Variants in PDE4D observed in about 807,000 individuals in gnomAD.
PDE4D encodes the protein 3',5'-cyclic-AMP phosphodiesterase 4D.
A neutral mutation model predicts 87.4 loss-of-function variants in PDE4D; 24 were observed. That is an observed-to-expected ratio of 0.27 (90% CI 0.20 to 0.39). PDE4D has a LOEUF of 0.39. PDE4D is among the 10% of genes least tolerant of loss of function. The pLI, the probability that PDE4D is intolerant of heterozygous loss-of-function variation, is 1.00. For missense variants in PDE4D, 714 were observed against 1,041.0 expected, an observed-to-expected ratio of 0.69 and a Z score of 4.32; for synonymous variants, 384 against 383.2, an observed-to-expected ratio of 1.00 and a Z score of -0.02.
intron 1 of PDE4D, among the ~76,000 whole-genome samples, chr5:59,785,199 T>A (rs1165979033): frequency 6.6e-6 from 1 of 152,188 alleles, no homozygotes; most frequent in Non-Finnish European, 1.5e-5. Flanking sequence ...TAATCCACAT[T>A]CTCTTCTTTC....
At chr5:59,762,876 T>TAG (rs1762324490) in intron 1 of PDE4D, among the ~76,000 whole-genome samples, 1 of 132,058 alleles carries the variant, frequency 7.6e-6, no homozygotes, top group African/African-American at 2.8e-5. Context: ...TATATATATA[T>TAG]ATATATATAT....
intron 2 of PDE4D, chr5:60,160,703 T>C (rs1265468892): frequency 3.0e-6 from 1 of 338,102 alleles, no homozygotes; most frequent in African/African-American, 2.2e-5. Context: ...TTGACTATCA[T>C]GGTTCTATGG....
intron 1 of PDE4D, among the ~76,000 whole-genome samples, chr5:60,284,452 G>A (rs1209814358): frequency 6.6e-6 from 1 of 152,136 alleles, no homozygotes; most frequent in East Asian, 1.9e-4. Flanking sequence ...AGTAATCAAT[G>A]CCTGTAGGTC....
chr5:60,173,032 T>C (rs988907663), intron 2 of PDE4D, among the ~76,000 whole-genome samples: 1 of 152,166 alleles, frequency 6.6e-6, no homozygotes, highest in Admixed American at 6.5e-5. Context: ...GTTTACAATA[T>C]AACATTGTTA....
chr5:59,992,389 C>G (rs1026429949), intron 2 of PDE4D, among the ~76,000 whole-genome samples: 4 of 152,174 alleles, frequency 2.6e-5, no homozygotes, highest in Non-Finnish European at 5.9e-5. Context: ...ACCTTGTGAT[C>G]GTGTGAGTCA....
In PDE4D at chr5:59,974,726, A is replaced by G. The variant is rs112446914; in HGVS notation, c.272+13762T>C. Among the ~76,000 whole-genome samples the G allele has an allele frequency of 1.2e-3, 186 of 152,280 alleles. 1 individual carries two copies. The highest frequency in any genetic ancestry group is 4.3e-3 in the African/African-American group (177 of 41,568). ...CTGTTTCATAATCATATCTCAGACAACCACCTGATACAGAGCTTCTTCCTC... is the reference window on the plus strand; with the variant it reads ...CTGTTTCATAATCATATCTCAGACAGCCACCTGATACAGAGCTTCTTCCTC... On this transcript the variant is annotated intron_variant, in intron 3 of 16. Coordinates refer to the PDE4D transcript ENST00000502484.
At chr5:60,423,108 C>A (rs970283467) in intron 1 of PDE4D, among the ~76,000 whole-genome samples, 52 of 152,166 alleles carry the variant, frequency 3.4e-4, no homozygotes, top group Admixed American at 3.2e-3. Context: ...CACTTTAACA[C>A]CCCATTGTCA....
chr5:59,976,300 C>G (rs1761323647), intron 3 of PDE4D, among the ~76,000 whole-genome samples: 2 of 151,732 alleles, frequency 1.3e-5, no homozygotes, highest in Admixed American at 1.3e-4. Context: ...GTATTTATAC[C>G]CTCCAAATCT....
intron 6 of PDE4D, among the ~76,000 whole-genome samples, chr5:58,995,034 C>T (rs1748886896): frequency 6.7e-6 from 1 of 149,758 alleles, no homozygotes; most frequent in Non-Finnish European, 1.5e-5. Context: ...AAAATAAATG[C>T]TGGGGAAAAA....
In PDE4D at chr5:59,436,845, T is replaced by C. The variant is rs530816746; in HGVS notation, c.456-220877A>G. ...ACCCAACAGAAACCCGTTGGTCACA[T>C]AAAGGCAAGTTTATTAAACCTACTT... On this transcript the variant is annotated intron_variant, in intron 1 of 14. Coordinates refer to ENST00000340635, the MANE Select transcript of PDE4D (RefSeq NM_001104631.2). 2.0e-5 allele frequency among the ~76,000 whole-genome samples: 3 copies of C among 152,302 alleles called. No homozygotes were observed. The South Asian group carries it at 6.2e-4, about 32-fold the overall frequency.
chr5:59,385,852 CT>C lies in PDE4D; in HGVS notation c.456-169885del, dbSNP rs1447045240. ...CCACAAACACCCTGCATCCCAATCTCTATCTATCTCGGAGTATCTCAGGGAA... is the reference window on the plus strand; with the variant it reads ...CCACAAACACCCTGCATCCCAATCTCATCTATCTCGGAGTATCTCAGGGAA... On this transcript the variant is annotated intron_variant, in intron 1 of 14. Coordinates refer to ENST00000340635, the MANE Select transcript of PDE4D (RefSeq NM_001104631.2). Among the ~76,000 whole-genome samples, 3 of 152,152 alleles carry C rather than the reference CT, an allele frequency of 2.0e-5. No homozygotes were observed. In the East Asian group the frequency reaches 5.8e-4, roughly 29 times the overall value.
chr5:59,386,929 T>C (rs1787186447), intron 1 of PDE4D, among the ~76,000 whole-genome samples: 1 of 152,114 alleles, frequency 6.6e-6, no homozygotes, highest in Non-Finnish European at 1.5e-5. Context: ...TTCAGGTGAG[T>C]GCTTTCTCCA....
chr5:59,043,753 T>C (rs1421644321), intron 5 of PDE4D, among the ~76,000 whole-genome samples: 1 of 151,130 alleles, frequency 6.6e-6, no homozygotes, highest in African/African-American at 2.4e-5. Flanking sequence ...CCCCTTCCTA[T>C]GTCCATGTGT....
chr5:59,482,550 C>T (rs16889892), intron 1 of PDE4D, among the ~76,000 whole-genome samples: 41,092 of 151,970 alleles, frequency 0.27, 11,060 homozygotes, highest in African/African-American at 0.7. Context: ...AAAAAATATT[C>T]AACAGAAGTC....
intron 1 of PDE4D, among the ~76,000 whole-genome samples, chr5:59,843,294 G>A (rs1743316321): frequency 6.6e-6 from 1 of 151,794 alleles, no homozygotes. Context: ...TCTGTTCAGT[G>A]GCCAACTCTG....
At chr5:59,564,515 C>A (rs986418404) in intron 1 of PDE4D, among the ~76,000 whole-genome samples, 1 of 152,126 alleles carries the variant, frequency 6.6e-6, no homozygotes, top group Non-Finnish European at 1.5e-5. Context: ...AAGAGACACC[C>A]GGATGGGGAA....
At chr5:59,526,731 C>T (rs1407026995) in intron 1 of PDE4D, among the ~76,000 whole-genome samples, 2 of 152,142 alleles carry the variant, frequency 1.3e-5, no homozygotes, top group Non-Finnish European at 2.9e-5. Context: ...TCAAGCAATC[C>T]TCCCACCTCA....
At position 59,649,904 on chromosome 5, in the gene PDE4D, C is replaced by CTTTTT. The variant is rs1561402852; in HGVS notation, c.455+243263_455+243264insAAAAA. Among the ~76,000 whole-genome samples the CTTTTT allele has an allele frequency of 6.0e-3, 440 of 73,944 alleles. 104 individuals carry two copies. Among genetic ancestry groups the CTTTTT allele is most frequent in the East Asian group, 0.012 (35 of 2,894 alleles). 48.5% of individuals were successfully genotyped at this position (73,944 alleles called of 152,430 possible). A position where few individuals can be genotyped will look rare whatever the true frequency, so the allele number is the denominator to read the frequency against. ...TGTTAAAATGTTGATAGTTTGTGAA[C>CTTTTT]CTTTTTTTTTTTTTTTTTTTTTTTT... On this transcript the variant is annotated intron_variant, in intron 1 of 14. Transcript: ENST00000340635.
At chr5:59,167,452 A>C (rs967136844) in intron 5 of PDE4D, among the ~76,000 whole-genome samples, 6 of 152,180 alleles carry the variant, frequency 3.9e-5, no homozygotes, top group African/African-American at 1.4e-4. Flanking sequence ...TTTCACGACC[A>C]GTTCTTTTCT....
Sources: allele counts gnomAD v4.1 joint callset (sites outside exome capture counted in the v4.1 genomes callset), GRCh38; gene constraint gnomAD v4.1.1; transcripts MANE v1.5; gene names NCBI Gene and HGNC (gene_info 2026-07-23, HGNC 2026-07-21).